Variants in MPPED2 observed in about 807,000 individuals in gnomAD.
MPPED2 encodes metallophosphoesterase MPPED2.
Under a neutral mutation model 33.0 loss-of-function variants are expected in MPPED2, and 5 were observed. The observed-to-expected ratio is 0.15, with a 90% CI of 0.08 to 0.32. MPPED2 has a LOEUF of 0.32. MPPED2 is among the 10% of genes least tolerant of loss of function. The pLI is 1.00. For missense variants in MPPED2, 275 were observed against 372.1 expected, an observed-to-expected ratio of 0.74 and a Z score of 2.15; for synonymous variants, 136 against 141.9, an observed-to-expected ratio of 0.96 and a Z score of 0.29.
intron 4 of MPPED2, among the ~76,000 whole-genome samples, chr11:30,438,048 G>A (rs1304074260): frequency 6.6e-6 from 1 of 151,950 alleles, no homozygotes; most frequent in Non-Finnish European, 1.5e-5. Flanking sequence ...CCACTTCAAG[G>A]GATTATAATA....
At chr11:30,428,984 A>T (rs1034735629) in intron 4 of MPPED2, 7 of 152,194 alleles carry the variant, frequency 4.6e-5, no homozygotes, top group African/African-American at 1.7e-4. Flanking sequence ...GGATGTGGAT[A>T]CCAAAGAATT....
intron 4 of MPPED2, among the ~76,000 whole-genome samples, chr11:30,475,618 G>A (rs1951156132): frequency 6.6e-6 from 1 of 152,142 alleles, no homozygotes; most frequent in Admixed American, 6.6e-5. Flanking sequence ...GTTATCCCAT[G>A]TTTTAGTATA....
At chr11:30,481,804 G>A (rs515051) in intron 4 of MPPED2, among the ~76,000 whole-genome samples, 15,395 of 152,034 alleles carry the variant, frequency 0.1, 1,004 homozygotes, top group South Asian at 0.24. Context: ...TCTATCTTAG[G>A]AGACTCTGAT....
chr11:30,456,738 C>T (rs1000231463), intron 4 of MPPED2, among the ~76,000 whole-genome samples: 1 of 152,150 alleles, frequency 6.6e-6, no homozygotes, highest in African/African-American at 2.4e-5. Flanking sequence ...AGTTTTTTCT[C>T]ATGGGTACAG....
At chr11:30,419,172 A>G (rs1226970983) in intron 4 of MPPED2, among the ~76,000 whole-genome samples, 1 of 152,162 alleles carries the variant, frequency 6.6e-6, no homozygotes, top group Admixed American at 6.5e-5. Flanking sequence ...CTTTATTTGT[A>G]TTAACTCATT....
intron 3 of MPPED2, among the ~76,000 whole-genome samples, chr11:30,525,638 C>A (rs189608385): frequency 2.8e-4 from 43 of 152,232 alleles, no homozygotes; most frequent in Admixed American, 1.1e-3. Flanking sequence ...GACTTCAGCT[C>A]TAATGGTGGC....
chr11:30,502,984 T>C (rs2134253459), intron 3 of MPPED2, among the ~76,000 whole-genome samples: 1 of 152,266 alleles, frequency 6.6e-6, no homozygotes, highest in East Asian at 1.9e-4. Context: ...TTCCAGAACA[T>C]TTACTTTTCC....
chr11:30,497,524 A>G (rs1242324858), intron 3 of MPPED2, among the ~76,000 whole-genome samples: 1 of 152,188 alleles, frequency 6.6e-6, no homozygotes, highest in Non-Finnish European at 1.5e-5. Flanking sequence ...GTTCCCCTTT[A>G]ATCATTCACG....
chr11:30,489,242 A>T (rs1196157227), intron 4 of MPPED2, among the ~76,000 whole-genome samples: 3 of 152,238 alleles, frequency 2.0e-5, no homozygotes, highest in Non-Finnish European at 4.4e-5. Context: ...AGCAAAATAC[A>T]TGATGCATTA....
intron 2 of MPPED2, among the ~76,000 whole-genome samples, chr11:30,549,343 G>A (rs1955591037): frequency 6.6e-6 from 1 of 152,160 alleles, no homozygotes; most frequent in African/African-American, 2.4e-5. Flanking sequence ...ACTTTGGACA[G>A]GAGAATAAAC....
At chr11:30,461,174 T>G (rs946751113) in intron 4 of MPPED2, among the ~76,000 whole-genome samples, 1 of 152,152 alleles carries the variant, frequency 6.6e-6, no homozygotes, top group Non-Finnish European at 1.5e-5. Flanking sequence ...CAAGTTCGTA[T>G]AGACGGAAGG....
At chr11:30,459,214 A>T (rs1950422256) in intron 4 of MPPED2, among the ~76,000 whole-genome samples, 2 of 152,092 alleles carry the variant, frequency 1.3e-5, no homozygotes, top group African/African-American at 4.8e-5. Context: ...CTTAAGGTAA[A>T]GGAGTTTTTG....
At chr11:30,443,220 C>T (rs549998695) in intron 4 of MPPED2, among the ~76,000 whole-genome samples, 15 of 152,240 alleles carry the variant, frequency 9.9e-5, no homozygotes, top group Middle Eastern at 3.4e-3. Context: ...ATGGGAAGAT[C>T]GTAAACATAA....
At chr11:30,524,799 A>G (rs1369024662) in intron 3 of MPPED2, among the ~76,000 whole-genome samples, 4 of 152,218 alleles carry the variant, frequency 2.6e-5, no homozygotes, top group Non-Finnish European at 4.4e-5. Flanking sequence ...GGAATTTAAA[A>G]GAACAAGCAA....
At chr11:30,547,845 A>T (rs868280828) in intron 2 of MPPED2, among the ~76,000 whole-genome samples, 18 of 152,136 alleles carry the variant, frequency 1.2e-4, no homozygotes, top group East Asian at 7.7e-4. Context: ...AGTCAATTTT[A>T]AAAAAAATAT....
intron 3 of MPPED2, among the ~76,000 whole-genome samples, chr11:30,522,929 A>C (rs1207355963): frequency 2.0e-5 from 3 of 152,224 alleles, no homozygotes; most frequent in Admixed American, 1.3e-4. Context: ...AATGAAAACA[A>C]TTATAAATTT....
At chr11:30,547,193 A>G (rs951706363) in intron 2 of MPPED2, among the ~76,000 whole-genome samples, 1 of 152,208 alleles carries the variant, frequency 6.6e-6, no homozygotes, top group African/African-American at 2.4e-5. Context: ...AGCAACTTCA[A>G]ACACTAACAA....
intron 2 of MPPED2, among the ~76,000 whole-genome samples, chr11:30,572,529 A>G (rs1324420404): frequency 6.6e-6 from 1 of 152,204 alleles, no homozygotes; most frequent in Non-Finnish European, 1.5e-5. Context: ...TTTCAGATTG[A>G]GAACATTTTA....
At chr11:30,403,844 G>A (rs984826203) in intron 6 of MPPED2, among the ~76,000 whole-genome samples, 1 of 152,114 alleles carries the variant, frequency 6.6e-6, no homozygotes, top group African/African-American at 2.4e-5. Flanking sequence ...AGGAAGAAAG[G>A]GCTATATGTC....
Sources: gnomAD v4.1 joint callset for allele counts (sites outside exome capture counted in the v4.1 genomes callset) on GRCh38, gnomAD v4.1.1 for gene constraint, MANE v1.5 for transcripts, NCBI Gene and HGNC (gene_info 2026-07-23, HGNC 2026-07-21) for gene names.